The following SPNS3 variants were observed in gnomAD, a reference collection of about 807,000 sequenced individuals.
The protein encoded by SPNS3 is protein spinster homolog 3.
A neutral mutation model predicts 54.4 loss-of-function variants in SPNS3; 51 were observed. The observed-to-expected ratio is 0.94, with a 90% CI of 0.75 to 1.18. The LOEUF is 1.18. Ranked by LOEUF, SPNS3 falls within the 50% of genes most tolerant of loss-of-function variation. The probability of loss-of-function intolerance (pLI) is 0.00; values close to 1 mark genes in which losing one functional copy is unlikely to be tolerated. For synonymous variants in SPNS3, 309 were observed against 294.7 expected (o/e 1.05, Z -0.50); for missense variants, 669 against 677.4 (o/e 0.99, Z 0.14).
intron 9 of SPNS3, among the ~76,000 whole-genome samples, chr17:4,481,452 G>T (rs1356225400): frequency 6.6e-6 from 1 of 152,180 alleles, no homozygotes; most frequent in Non-Finnish European, 1.5e-5. Flanking sequence ...TGTGAACAGG[G>T]TCCACAGAAC....
chr17:4,464,906 C>T (rs2144135101), intron 8 of SPNS3, among the ~76,000 whole-genome samples: 1 of 152,292 alleles, frequency 6.6e-6, no homozygotes, highest in South Asian at 2.1e-4. Flanking sequence ...GTCTCCAACT[C>T]CTGACCTCAG....
In SPNS3 at chr17:4,439,268, C is replaced by T. The variant is rs186347707; in HGVS notation, c.200-390C>T. The stretch of plus-strand genomic sequence containing the variant: ...CCTCCCGAGTAGCTGGGATTACAGG[C>T]GCCCGCCACCACGTCCGGCTAATTT... On this transcript the variant is annotated intron_variant, in intron 1 of 11. Transcript: ENST00000355530. Among the ~76,000 whole-genome samples the T allele has an allele frequency of 5.3e-5, 8 of 152,078 alleles. No individual in the cohort carries two copies. In the East Asian group the frequency reaches 1.4e-3, roughly 26 times the overall value.
chr17:4,443,164 A>T (rs564391901), intron 2 of SPNS3, among the ~76,000 whole-genome samples: 11 of 151,958 alleles, frequency 7.2e-5, no homozygotes, highest in African/African-American at 2.7e-4. Flanking sequence ...TCCACCTCCC[A>T]GGTTCAAGCA....
At position 4,453,059 on chromosome 17, in the gene SPNS3, G is replaced by T. The variant is rs1432941995; in HGVS notation, c.967G>T (p.Val323Phe). ...ALTIMTGVIG[V>F]ILGAEAARRY... ...GACCATCATGACCGGCGTCATTGGG[G>T]TCATCTTGGGGGCAGAAGCTGCGAG... The change falls in exon 8 of 12, where the codon GTC becomes TTC. Residue 323 changes from valine (V) to phenylalanine (F), a missense_variant. Val to Phe is a conservative substitution (Grantham distance 50). Coordinates refer to ENST00000355530, the MANE Select transcript of SPNS3 (RefSeq NM_182538.5). 15 of 1,614,028 alleles carry T rather than the reference G, an allele frequency of 9.3e-6. No homozygotes were observed. Among genetic ancestry groups the T allele is most frequent in the Non-Finnish European group, 1.1e-5 (13 of 1,179,932 alleles).
Position 4,448,280 on chromosome 17 carries a change from G to A in SPNS3, c.747G>A (p.Glu249=), listed in dbSNP as rs1269562740. The change falls in exon 6 of 12, where the codon GAG becomes GAA. Residue 249 remains glutamate (E), a synonymous_variant. Transcript: ENST00000355530. ...AVGGFRSSWC[E]DVRYLGKNWS... ...GAGGCTTCAGGAGCAGCTGGTGTGA[G>A]GACGTCAGATACCTGGGGAAAAAGT... is the stretch of plus-strand genomic sequence containing the variant. 6 of 1,580,402 alleles carry A rather than the reference G, an allele frequency of 3.8e-6. No homozygotes were observed. Among genetic ancestry groups the A allele is most frequent in the Non-Finnish European group, 5.2e-6 (6 of 1,165,046 alleles).
chr17:4,446,884 C>A lies in SPNS3; in HGVS notation c.555-12C>A. ...CCCCTCACAGCCCATCGCCCCTGCCCCTTTGTTGCAGTGGTCTGGGCTACG... is the reference window on the plus strand; with the variant it reads ...CCCCTCACAGCCCATCGCCCCTGCCACTTTGTTGCAGTGGTCTGGGCTACG... On this transcript the variant is annotated splice_polypyrimidine_tract_variant and intron_variant, in intron 4 of 11. Transcript: ENST00000355530. 1.9e-6 allele frequency: 3 copies of A among 1,613,810 alleles called. No individual in the cohort carries two copies. The highest frequency in any genetic ancestry group is 2.5e-6 in the Non-Finnish European group (3 of 1,179,820).
At chr17:4,451,039 G>T (rs1232897003) in intron 7 of SPNS3, among the ~76,000 whole-genome samples, 3 of 152,074 alleles carry the variant, frequency 2.0e-5, no homozygotes, top group Non-Finnish European at 4.4e-5. Context: ...CTGCTTAGGG[G>T]CTGGCGGGGG....
At chr17:4,437,675 A>ATAAAT (rs1323409890) in intron 1 of SPNS3, among the ~76,000 whole-genome samples, 1 of 82,644 alleles carries the variant, frequency 1.2e-5, no homozygotes. Flanking sequence ...TCAAAAATAA[A>ATAAAT]TAAATAAAAT....
chr17:4,479,799 G>A (rs765998482), intron 9 of SPNS3, among the ~76,000 whole-genome samples: 2 of 152,250 alleles, frequency 1.3e-5, no homozygotes, highest in Non-Finnish European at 1.5e-5. Context: ...GCAAGTCACT[G>A]TGTGTCTCTG....
chr17:4,477,393 C>T (rs946351334), intron 8 of SPNS3, among the ~76,000 whole-genome samples: 2 of 152,206 alleles, frequency 1.3e-5, no homozygotes, highest in African/African-American at 4.8e-5. Context: ...TCTCTGGGTG[C>T]CTGAGCCTGG....
intron 7 of SPNS3, among the ~76,000 whole-genome samples, chr17:4,450,383 C>T (rs1051890013): frequency 2.1e-5 from 3 of 141,150 alleles, no homozygotes; most frequent in Admixed American, 1.4e-4. Flanking sequence ...ACCCCTCCCT[C>T]CCTCCTTCCC....
In SPNS3 at chr17:4,482,919, G is replaced by T. The variant is rs149216073; in HGVS notation, c.1180-3309G>T. Among the ~76,000 whole-genome samples the T allele has an allele frequency of 1.9e-3, 288 of 152,304 alleles. 5 individuals are homozygous for T. The highest frequency in any genetic ancestry group is 0.012 in the East Asian group (63 of 5,172). On this transcript the variant is annotated intron_variant, in intron 9 of 11. Transcript: ENST00000355530. Reference sequence around the variant, plus strand: ...TCTCTGGATCCCAACCAGTTGGGGGGCTAGAGCAGAAGGGGAGCTCATTCC... The same window carrying T: ...TCTCTGGATCCCAACCAGTTGGGGGTCTAGAGCAGAAGGGGAGCTCATTCC...
At chr17:4,453,809 C>A (rs1971233931) in intron 8 of SPNS3, among the ~76,000 whole-genome samples, 1 of 152,198 alleles carries the variant, frequency 6.6e-6, no homozygotes. Context: ...TAGAGCAATT[C>A]TCCCCAGGTT....
At chr17:4,459,529 C>T (rs78266783) in intron 8 of SPNS3, among the ~76,000 whole-genome samples, 13 of 151,980 alleles carry the variant, frequency 8.6e-5, no homozygotes, top group African/African-American at 2.9e-4. Context: ...CTGGGCAACA[C>T]GGCAAAACCC....
At chr17:4,485,769 G>A (rs1972296118) in intron 9 of SPNS3, among the ~76,000 whole-genome samples, 1 of 152,198 alleles carries the variant, frequency 6.6e-6, no homozygotes, top group African/African-American at 2.4e-5. Context: ...GCCGCCTTTG[G>A]TCTCTGCCCC....
chr17:4,480,691 G>C (rs1319558890), intron 9 of SPNS3, among the ~76,000 whole-genome samples: 2 of 152,226 alleles, frequency 1.3e-5, no homozygotes, highest in Non-Finnish European at 1.5e-5. Flanking sequence ...GGTGGAAGGA[G>C]GGTTAGGGGC....
At chr17:4,453,242 G>A (rs779901201) in intron 8 of SPNS3, 37 bp downstream of exon 8, 72 of 1,571,706 alleles carry the variant, frequency 4.6e-5, no homozygotes, top group Non-Finnish European at 5.6e-5. Context: ...GGACAGGGTT[G>A]GGGGGCGAGG....
intron 8 of SPNS3, among the ~76,000 whole-genome samples, chr17:4,469,282 T>A (rs1474092257): frequency 6.6e-6 from 1 of 151,906 alleles, no homozygotes; most frequent in Non-Finnish European, 1.5e-5. Context: ...AGACGGGGTT[T>A]CACTATGTTA....
intron 9 of SPNS3, among the ~76,000 whole-genome samples, chr17:4,482,833 T>TC (rs1972205630): frequency 6.6e-6 from 1 of 151,210 alleles, no homozygotes; most frequent in South Asian, 2.1e-4. Flanking sequence ...CTCACCCCAA[T>TC]CCCCCTCCAG....
Sources: allele counts gnomAD v4.1 joint callset (sites outside exome capture counted in the v4.1 genomes callset), GRCh38; gene constraint gnomAD v4.1.1; transcripts MANE v1.5; gene names NCBI Gene and HGNC (gene_info 2026-07-23, HGNC 2026-07-21).